EPB41: variants seen among roughly 807,000 people sequenced by gnomAD.
EPB41 encodes the protein erythrocyte membrane protein band 4.1.
A neutral mutation model predicts 108.0 loss-of-function variants in EPB41; 65 were observed. The ratio of observed to expected loss-of-function variants is 0.60; its 90% CI spans 0.49 to 0.74. The LOEUF (loss-of-function observed/expected upper bound fraction) is 0.74, where lower values mean the gene tolerates loss of function less well. Among genes scored for constraint, EPB41 ranks in the 30% least tolerant of loss-of-function variants. The pLI is 0.00. For synonymous variants in EPB41, 336 were observed against 358.9 expected, an observed-to-expected ratio of 0.94 and a Z score of 0.72; for missense variants, 875 against 1,037.0, an observed-to-expected ratio of 0.84 and a Z score of 2.15.
chr1:29,092,536 C>T (rs915923454), intron 16 of EPB41, among the ~76,000 whole-genome samples: 17 of 152,110 alleles, frequency 1.1e-4, no homozygotes, highest in Admixed American at 7.2e-4. Context: ...ATTTGGCTTT[C>T]GTTAGGTTAT....
At chr1:28,941,891 T>G (rs1203074569) in intron 1 of EPB41, among the ~76,000 whole-genome samples, 2 of 108,244 alleles carry the variant, frequency 1.8e-5, no homozygotes, top group African/African-American at 3.2e-5. Flanking sequence ...TGAAGCTCTG[T>G]CTCAAAAAAA....
chr1:29,040,424 G>A (rs1287821151), intron 11 of EPB41, among the ~76,000 whole-genome samples: 3 of 152,010 alleles, frequency 2.0e-5, no homozygotes, highest in Non-Finnish European at 1.5e-5. Context: ...GTGATTACAG[G>A]CGTGTGCCAC....
chr1:28,930,359 G>A (rs2093680128), intron 1 of EPB41, among the ~76,000 whole-genome samples: 1 of 150,906 alleles, frequency 6.6e-6, no homozygotes, highest in South Asian at 2.1e-4. Flanking sequence ...ATAGAAACGG[G>A]GTCTTGTCAT....
chr1:29,088,609 T>C (rs1473422188), intron 16 of EPB41, among the ~76,000 whole-genome samples: 1 of 152,170 alleles, frequency 6.6e-6, no homozygotes, highest in African/African-American at 2.4e-5. Flanking sequence ...TCTTTACTGA[T>C]ATTAAATGCC....
intron 7 of EPB41, among the ~76,000 whole-genome samples, chr1:29,019,801 G>A (rs1212131489): frequency 2.0e-5 from 3 of 152,108 alleles, no homozygotes; most frequent in African/African-American, 4.8e-5. Flanking sequence ...TTCTAGGTGC[G>A]TTATTGCCCC....
rs113262681 is a variant in EPB41 at position 29,115,217 on chromosome 1, A to T, written c.2497-482A>T. The stretch of plus-strand genomic sequence containing the variant: ...AGACCAGTCTGGCCAACATGGTGAA[A>T]CCCCATCTCTACAAAAAATACAAAA... On this transcript the variant is annotated intron_variant, in intron 19 of 20. Transcript: ENST00000343067. This position sits in a 1 kb window ranked among gnomAD's most constrained non-coding sequence, Gnocchi z 4.4. 5.9e-5 allele frequency among the ~76,000 whole-genome samples: 9 copies of T among 152,070 alleles called. No homozygotes were observed. Among genetic ancestry groups the T allele is most frequent in the Middle Eastern group, 3.4e-3 (1 of 294 alleles).
chr1:29,080,417 T>C (rs1178909748), intron 16 of EPB41, among the ~76,000 whole-genome samples: 3 of 151,128 alleles, frequency 2.0e-5, no homozygotes, highest in East Asian at 1.9e-4. Flanking sequence ...TTTTCTTTTT[T>C]TTTTTTTTTG....
chr1:28,936,360 T>C (rs1055791521), intron 1 of EPB41, among the ~76,000 whole-genome samples: 5 of 152,154 alleles, frequency 3.3e-5, no homozygotes, highest in Admixed American at 1.3e-4. Context: ...GTACAGTGTT[T>C]TCACATATGC....
intron 3 of EPB41, among the ~76,000 whole-genome samples, chr1:28,996,547 C>T (rs2096180658): frequency 7.2e-5 from 11 of 152,040 alleles, no homozygotes; most frequent in Admixed American, 7.2e-4. Context: ...CTGACAGTTG[C>T]TCATAGCATG....
At chr1:29,030,614 T>A in intron 8 of EPB41, 127 bp downstream of exon 8, 1 of 779,016 alleles carries the variant, frequency 1.3e-6, no homozygotes, top group Non-Finnish European at 2.2e-6. Flanking sequence ...TTTAAAACAT[T>A]CAAAAGAGAT....
intron 16 of EPB41, among the ~76,000 whole-genome samples, chr1:29,075,408 G>T (rs1445939505): frequency 1.3e-5 from 2 of 151,970 alleles, no homozygotes; most frequent in Non-Finnish European, 2.9e-5. Context: ...AACCCAGGAG[G>T]TGGAGGTTGC....
At chr1:29,040,005 C>T (rs1640902492) in intron 11 of EPB41, among the ~76,000 whole-genome samples, 1 of 152,140 alleles carries the variant, frequency 6.6e-6, no homozygotes, top group South Asian at 2.1e-4. Context: ...GAATCTCTAC[C>T]AGAGAGTAAA....
chr1:29,035,293 T>C (rs1356719368), intron 9 of EPB41, among the ~76,000 whole-genome samples: 3 of 152,174 alleles, frequency 2.0e-5, no homozygotes, highest in Non-Finnish European at 4.4e-5. Flanking sequence ...GGTATACATA[T>C]TTCAAAACAA....
At chr1:28,889,024 T>G (rs1446089100) in intron 1 of EPB41, among the ~76,000 whole-genome samples, 1 of 152,100 alleles carries the variant, frequency 6.6e-6, no homozygotes, top group African/African-American at 2.4e-5. Flanking sequence ...GAGGGAGGGA[T>G]GAAAGGGGAC....
intron 12 of EPB41, among the ~76,000 whole-genome samples, chr1:29,058,160 G>A (rs1161819665): frequency 2.6e-5 from 4 of 152,086 alleles, no homozygotes; most frequent in Admixed American, 6.5e-5. Context: ...TATGTCATAC[G>A]TTGATAACTT....
chr1:28,932,269 G>A (rs1365704555), intron 1 of EPB41, among the ~76,000 whole-genome samples: 1 of 151,856 alleles, frequency 6.6e-6, no homozygotes, highest in Non-Finnish European at 1.5e-5. Context: ...ATTACAAGTG[G>A]GTGCCACCAC....
chr1:29,056,629 G>A (rs1381111571), intron 12 of EPB41, among the ~76,000 whole-genome samples: 3 of 152,028 alleles, frequency 2.0e-5, no homozygotes, highest in Admixed American at 6.6e-5. Context: ...AGGTTCAAGC[G>A]ATTCTCCTTC....
chr1:28,891,628 G>T (rs550608329), intron 1 of EPB41, among the ~76,000 whole-genome samples: 4 of 152,192 alleles, frequency 2.6e-5, no homozygotes, highest in Non-Finnish European at 5.9e-5. Context: ...TGTTGTGAAG[G>T]TTAAAGGAGA....
intron 11 of EPB41, among the ~76,000 whole-genome samples, chr1:29,050,695 A>G (rs1192255215): frequency 4.0e-5 from 6 of 150,770 alleles, no homozygotes; most frequent in Admixed American, 1.3e-4. Flanking sequence ...TTTTTTTTTG[A>G]GACAGAGTCT....
Sources: gnomAD v4.1 joint callset for allele counts (sites outside exome capture counted in the v4.1 genomes callset) on GRCh38, gnomAD v4.1.1 for gene constraint, Gnocchi (gnomAD v3.1) non-coding constraint, MANE v1.5 for transcripts, NCBI Gene and HGNC (gene_info 2026-07-23, HGNC 2026-07-21) for gene names.